The following DOK7 variants were observed in gnomAD, a reference collection of about 807,000 sequenced individuals.
The protein encoded by DOK7 is docking protein 7.
DOK7 carries 32 observed loss-of-function variants against 30.7 expected under a neutral mutation model. That is an observed-to-expected ratio of 1.04 (90% CI 0.79 to 1.40). DOK7 has a LOEUF of 1.40. Among genes scored for constraint, DOK7 ranks in the 40% most tolerant of loss-of-function variants. The probability of loss-of-function intolerance (pLI) is 0.00; values close to 1 mark genes in which losing one functional copy is unlikely to be tolerated. For missense variants in DOK7, 1,007 were observed against 699.2 expected, an observed-to-expected ratio of 1.44 and a Z score of -4.97; for synonymous variants, 447 against 324.1, an observed-to-expected ratio of 1.38 and a Z score of -4.07.
At chr4:3,490,467 C>CAT (rs1728245491) in intron 6 of DOK7, among the ~76,000 whole-genome samples, 10 of 115,582 alleles carry the variant, frequency 8.7e-5, no homozygotes, top group South Asian at 6.3e-4. Flanking sequence ...TCATTCCTTT[C>CAT]TTCTCCCTCT....
intron 6 of DOK7, among the ~76,000 whole-genome samples, chr4:3,491,974 G>A (rs1294362107): frequency 6.6e-6 from 1 of 152,258 alleles, no homozygotes; most frequent in Non-Finnish European, 1.5e-5. Flanking sequence ...CAAGCAGACA[G>A]TGGTCATCTC....
chr4:3,493,228 T>C lies in DOK7; in HGVS notation c.1242T>C (p.Ala414=), dbSNP rs749698146. The change falls in exon 7 of 7, where the codon GCT becomes GCC. Residue 414 remains alanine (A), a synonymous_variant. Transcript: ENST00000340083. ...ACACACCACGCAGCCTTTGCCTGGC[T>C]CCTAGAGACCACAGCCCCCCCTCAC... The part of the protein sequence containing the change: ...HYDTPRSLCL[A]PRDHSPPSQG... 6.2e-7 allele frequency: 1 copy of C among 1,612,028 alleles called. No individual in the cohort carries two copies. The highest frequency in any genetic ancestry group is 1.1e-5 in the South Asian group (1 of 90,998).
rs1728620489 is a variant in DOK7, at chr4:3,493,063, C to G, written c.1077C>G (p.Ser359Arg). ...SSSLSSYAGS[S>R]LDVWRATDEL... ...GCCTCTCGTCCTACGCGGGCAGCAG[C>G]CTGGACGTGTGGCGGGCCACAGATG... Residue 359 changes from serine (S) to arginine (R), a missense_variant, in exon 7 of 7, where the codon AGC (serine) becomes AGG (arginine). Ser to Arg is a moderately radical substitution (Grantham distance 110). Transcript: ENST00000340083. 1 of 1,575,690 alleles carries G rather than the reference C, an allele frequency of 6.3e-7. No homozygotes were observed. Among genetic ancestry groups the G allele is most frequent in the Non-Finnish European group, 8.6e-7 (1 of 1,165,424 alleles).
intron 5 of DOK7, among the ~76,000 whole-genome samples, chr4:3,488,279 G>A (rs1483095403): frequency 5.3e-5 from 8 of 152,200 alleles, no homozygotes; most frequent in Non-Finnish European, 5.9e-5. Flanking sequence ...TCCTGGGCCC[G>A]GTGCTGTGAG....
intron 4 of DOK7, chr4:3,484,614 G>T: frequency 1.0e-6 from 1 of 985,516 alleles, no homozygotes; most frequent in Non-Finnish European, 1.2e-6. Flanking sequence ...CGCAGCTGGG[G>T]CTTCTCCACG....
At chr4:3,477,266 C>G (rs1409454370) in intron 4 of DOK7, among the ~76,000 whole-genome samples, 3 of 152,262 alleles carry the variant, frequency 2.0e-5, no homozygotes, top group African/African-American at 7.2e-5. Flanking sequence ...GACGCCTCCT[C>G]TCTTCTCTCT....
chr4:3,473,307 C>T, intron 2 of DOK7, 99 bp from the exon 3 acceptor site: 2 of 1,248,256 alleles, frequency 1.6e-6, no homozygotes, highest in Non-Finnish European at 2.3e-6. Flanking sequence ...AGGTCATGAC[C>T]CCAGCCCGGG....
At position 3,475,988 on chromosome 4, in the gene DOK7, G is replaced by T. The variant is rs73080926; in HGVS notation, c.332-354G>T. On this transcript the variant is annotated intron_variant, in intron 3 of 6. Coordinates refer to ENST00000340083, the MANE Select transcript of DOK7 (RefSeq NM_173660.5). ...CTCGTGGCTGTGAGGAGTGCCATTT[G>T]CTCATCCTGCCGTCGCTGCCTCCCC... is the stretch of plus-strand genomic sequence containing the variant. Among the ~76,000 whole-genome samples the T allele has an allele frequency of 4.8e-3, 732 of 152,126 alleles. 3 individuals carry two copies. The highest frequency in any genetic ancestry group is 0.017 in the African/African-American group (688 of 41,490).
chr4:3,493,042 C>G lies in DOK7; in HGVS notation c.1056C>G (p.Leu352=). ...TGSHSSYSSS[L]SSYAGSSLDV... is the part of the protein sequence containing the mutation. ...GCCACTCCTCTTACTCCAGCAGCCT[C>G]TCGTCCTACGCGGGCAGCAGCCTGG... is the stretch of plus-strand genomic sequence containing the variant. Residue 352 remains leucine, a synonymous_variant, in exon 7 of 7, where the codon CTC becomes CTG. Coordinates refer to ENST00000340083, the MANE Select transcript of DOK7 (RefSeq NM_173660.5). The G allele has an allele frequency of 6.4e-7, 1 of 1,573,124 alleles. No homozygotes were observed. Among genetic ancestry groups the G allele is most frequent in the Non-Finnish European group, 8.6e-7 (1 of 1,164,264 alleles).
chr4:3,474,094 C>G (rs764085465), intron 3 of DOK7, among the ~76,000 whole-genome samples: 1 of 152,070 alleles, frequency 6.6e-6, no homozygotes, highest in African/African-American at 2.4e-5. Flanking sequence ...CCCTGTGGAA[C>G]TGGCCCTGGA....
rs113699027 is a variant in DOK7 at position 3,493,647 on chromosome 4, C to T, written c.*146C>T. 4.8e-4 allele frequency: 706 copies of T among 1,461,558 alleles called. 6 individuals are homozygous for T. In the African/African-American group the frequency reaches 7.0e-3, roughly 15 times the overall value. 90.5% of individuals were successfully genotyped at this position (1,461,558 alleles called of 1,614,324 possible). On this transcript the variant is annotated 3_prime_UTR_variant, in exon 7 of 7. Coordinates refer to ENST00000340083, the MANE Select transcript of DOK7 (RefSeq NM_173660.5). Reference sequence around the variant, plus strand: ...TCCCGGAGAGGGGAGCTGGAGGGCGCGCCCTGTGGCTGCCACCGGAGGAAG... The same window carrying T: ...TCCCGGAGAGGGGAGCTGGAGGGCGTGCCCTGTGGCTGCCACCGGAGGAAG...
rs1388991852 is a variant in DOK7, at chr4:3,476,207, CATG to C, written c.332-131_332-129del. Reference sequence around the variant, plus strand: ...TCGATGCCCTCTCACCTCACCCGCCCATGATGCCCTCTCGCCCCGCCTGCCCGT... The same window carrying C: ...TCGATGCCCTCTCACCTCACCCGCCCATGCCCTCTCGCCCCGCCTGCCCGT... On this transcript the variant is annotated intron_variant, in intron 3 of 6. Coordinates refer to ENST00000340083, the MANE Select transcript of DOK7 (RefSeq NM_173660.5). The C allele has an allele frequency of 2.3e-6, 2 of 867,952 alleles. 1 individual carries two copies. Among genetic ancestry groups the C allele is most frequent in the African/African-American group, 3.4e-5 (2 of 58,018 alleles). The allele number at this position is 867,952 out of a possible 1,614,324, so 53.8% of individuals were successfully genotyped here.
chr4:3,466,548 C>T (rs1009802137), intron 2 of DOK7, among the ~76,000 whole-genome samples: 2 of 152,196 alleles, frequency 1.3e-5, no homozygotes, highest in African/African-American at 4.8e-5. Flanking sequence ...ATCCCAGCTC[C>T]GGGCTGAAGA....
At chr4:3,492,312 G>A (rs534498487) in intron 6 of DOK7, among the ~76,000 whole-genome samples, 3 of 152,134 alleles carry the variant, frequency 2.0e-5, no homozygotes, top group Admixed American at 6.5e-5. Context: ...CAGGCTGGCA[G>A]GGCCTGGGAA....
At chr4:3,489,436 T>G (rs1253027298) in intron 5 of DOK7, among the ~76,000 whole-genome samples, 1 of 151,958 alleles carries the variant, frequency 6.6e-6, no homozygotes, top group Non-Finnish European at 1.5e-5. Context: ...AGTGGGCAGG[T>G]GGCAGGGCCA....
At chr4:3,501,121 C>T (rs568924845) in exon 8 of DOK7, 5 of 472,312 alleles carry the variant, frequency 1.1e-5, no homozygotes, top group East Asian at 3.7e-5. Flanking sequence ...GCTGCTGTGG[C>T]ATCTCAGGCA....
chr4:3,492,164 C>A (rs542670845), intron 6 of DOK7, among the ~76,000 whole-genome samples: 3 of 152,046 alleles, frequency 2.0e-5, no homozygotes, highest in African/African-American at 4.8e-5. Context: ...GCCTGGCAGG[C>A]GGGAGGCAGC....
downstream of DOK7, among the ~76,000 whole-genome samples, chr4:3,496,518 TCAGGGCTGGGAACCGCC>T (rs1290845963): frequency 6.6e-6 from 1 of 152,214 alleles, no homozygotes; most frequent in Non-Finnish European, 1.5e-5. Context: ...GGACTGGGCC[TCAGGGCTGGGAACCGCC>T]CCCTCCCCAG....
downstream of DOK7, chr4:3,496,825 G>C (rs926338496): frequency 3.9e-6 from 6 of 1,535,862 alleles, no homozygotes; most frequent in Non-Finnish European, 5.2e-6. Flanking sequence ...TCTAGGGAGC[G>C]GCAGCCTCAG....
Sources: gnomAD v4.1 joint callset for allele counts (sites outside exome capture counted in the v4.1 genomes callset) on GRCh38, gnomAD v4.1.1 for gene constraint, MANE v1.5 for transcripts, NCBI Gene and HGNC (gene_info 2026-07-23, HGNC 2026-07-21) for gene names.